CDK6: variants seen among roughly 807,000 people sequenced by gnomAD.
CDK6 encodes cyclin-dependent kinase 6.
CDK6 carries 6 observed loss-of-function variants against 37.1 expected under a neutral mutation model. That is an observed-to-expected ratio of 0.16 (90% CI 0.09 to 0.32). CDK6 has a LOEUF of 0.32. Ranked by LOEUF, CDK6 falls within the 10% of genes least tolerant of loss-of-function variation. The pLI is 1.00. For synonymous variants in CDK6, 160 were observed against 161.3 expected (o/e 0.99, Z 0.06); for missense variants, 224 against 418.9 (o/e 0.53, Z 4.06).
chr7:92,713,032 T>C (rs1248813175), intron 4 of CDK6, among the ~76,000 whole-genome samples: 2 of 152,136 alleles, frequency 1.3e-5, no homozygotes, highest in Admixed American at 6.5e-5. Context: ...CTAATTTTTG[T>C]ATTTTTTCAG....
intron 3 of CDK6, among the ~76,000 whole-genome samples, chr7:92,742,650 A>C (rs945934330): frequency 4.6e-5 from 7 of 152,088 alleles, no homozygotes; most frequent in Admixed American, 4.6e-4. Flanking sequence ...TAGGCTAAAC[A>C]AATTGTTTTT....
chr7:92,819,352 C>T (rs1220000410), intron 2 of CDK6, among the ~76,000 whole-genome samples: 3 of 151,900 alleles, frequency 2.0e-5, no homozygotes, highest in Non-Finnish European at 4.4e-5. Flanking sequence ...TCTATAATGA[C>T]AGAAAGAAGA....
At chr7:92,640,270 C>T (rs577430696) in intron 5 of CDK6, among the ~76,000 whole-genome samples, 1 of 152,192 alleles carries the variant, frequency 6.6e-6, no homozygotes, top group Admixed American at 6.5e-5. Context: ...GGAAGGGGGC[C>T]CTCATGGAGG....
chr7:92,754,318 T>C (rs527417807), intron 3 of CDK6, among the ~76,000 whole-genome samples: 9 of 152,310 alleles, frequency 5.9e-5, no homozygotes, highest in African/African-American at 1.4e-4. Context: ...CCTGTACTCA[T>C]TAGTATTGAT....
At chr7:92,729,537 C>T (rs770730195) in intron 3 of CDK6, among the ~76,000 whole-genome samples, 7 of 152,264 alleles carry the variant, frequency 4.6e-5, no homozygotes, top group East Asian at 1.9e-4. Context: ...AGTCTGGCTC[C>T]GAGAGATCTT....
chr7:92,639,563 G>A (rs531810625), intron 5 of CDK6, among the ~76,000 whole-genome samples: 1 of 152,280 alleles, frequency 6.6e-6, no homozygotes, highest in South Asian at 2.1e-4. Flanking sequence ...CCATGCTGCG[G>A]CACCCTCACG....
chr7:92,700,462 A>T (rs1423125250), intron 4 of CDK6, among the ~76,000 whole-genome samples: 1 of 152,252 alleles, frequency 6.6e-6, no homozygotes, highest in Non-Finnish European at 1.5e-5. Context: ...TGAAGGAGAA[A>T]GAAAGATTAA....
chr7:92,672,366 T>A (rs1248370350), intron 4 of CDK6, among the ~76,000 whole-genome samples: 4 of 151,500 alleles, frequency 2.6e-5, no homozygotes, highest in Admixed American at 2.6e-4. Flanking sequence ...CTCTCCATGA[T>A]GCTCTTTTCA....
chr7:92,686,760 T>A (rs1017669953), intron 4 of CDK6, among the ~76,000 whole-genome samples: 2 of 152,166 alleles, frequency 1.3e-5, no homozygotes, highest in Non-Finnish European at 2.9e-5. Context: ...GTAAAAGTGT[T>A]CCCTTTTCAC....
chr7:92,779,918 G>T (rs1386417750), intron 2 of CDK6, among the ~76,000 whole-genome samples: 1 of 152,088 alleles, frequency 6.6e-6, no homozygotes, highest in East Asian at 1.9e-4. Context: ...CTCTGGAATT[G>T]CCCCAAATCA....
chr7:92,692,349 TC>T (rs1270552743), intron 4 of CDK6, among the ~76,000 whole-genome samples: 4 of 152,196 alleles, frequency 2.6e-5, no homozygotes, highest in Non-Finnish European at 4.4e-5. Flanking sequence ...GGAAGGAATT[TC>T]AATAGTCCAT....
intron 5 of CDK6, among the ~76,000 whole-genome samples, chr7:92,670,680 C>T (rs899835369): frequency 1.3e-5 from 2 of 152,196 alleles, no homozygotes; most frequent in Admixed American, 1.3e-4. Context: ...TTAGAGGGAA[C>T]TTAGAGGGCA....
intron 4 of CDK6, among the ~76,000 whole-genome samples, chr7:92,686,531 G>A (rs1797458911): frequency 6.6e-6 from 1 of 151,840 alleles, no homozygotes; most frequent in Non-Finnish European, 1.5e-5. Context: ...TCCACTTGTT[G>A]ACTGATGGGC....
chr7:92,788,344 C>T (rs1368311050), intron 2 of CDK6, among the ~76,000 whole-genome samples: 2 of 152,104 alleles, frequency 1.3e-5, no homozygotes, highest in African/African-American at 2.4e-5. Context: ...TTGCAAAGAA[C>T]CACAGGAACA....
chr7:92,660,112 G>C (rs915983038), intron 5 of CDK6, among the ~76,000 whole-genome samples: 1 of 152,182 alleles, frequency 6.6e-6, no homozygotes, highest in Non-Finnish European at 1.5e-5. Flanking sequence ...AAAGCTGGTA[G>C]GGGTAGGGCT....
At chr7:92,661,627 C>A (rs1328511199) in intron 5 of CDK6, among the ~76,000 whole-genome samples, 2 of 152,078 alleles carry the variant, frequency 1.3e-5, no homozygotes, top group African/African-American at 4.8e-5. Flanking sequence ...AGTGGATCAT[C>A]ATAAGGGTTT....
chr7:92,665,897 T>C (rs191899491), intron 5 of CDK6, among the ~76,000 whole-genome samples: 2 of 152,354 alleles, frequency 1.3e-5, no homozygotes, highest in Admixed American at 6.5e-5. Context: ...TGTATGCCCA[T>C]GGGCAAGTTA....
intron 2 of CDK6, among the ~76,000 whole-genome samples, chr7:92,824,689 A>G (rs915798382): frequency 6.6e-6 from 1 of 152,180 alleles, no homozygotes; most frequent in Non-Finnish European, 1.5e-5. Flanking sequence ...AGTAATACAG[A>G]TATCTGTGTA....
At chr7:92,667,520 C>T (rs910715777) in intron 5 of CDK6, among the ~76,000 whole-genome samples, 3 of 150,690 alleles carry the variant, frequency 2.0e-5, no homozygotes, top group African/African-American at 4.9e-5. Flanking sequence ...TGTGTCATTA[C>T]AAAAGAATCA....
Sources: gnomAD v4.1 joint callset for allele counts (sites outside exome capture counted in the v4.1 genomes callset) on GRCh38, gnomAD v4.1.1 for gene constraint, MANE v1.5 for transcripts, NCBI Gene and HGNC (gene_info 2026-07-23, HGNC 2026-07-21) for gene names.